CERS4: variants seen among roughly 807,000 people sequenced by gnomAD.
The protein encoded by CERS4 is ceramide synthase 4, also known as LAG1 homolog, ceramide synthase 4.
A neutral mutation model predicts 51.8 loss-of-function variants in CERS4; 65 were observed. That is an observed-to-expected ratio of 1.26 (90% CI 1.03 to 1.54). The LOEUF (loss-of-function observed/expected upper bound fraction) is 1.54, where lower values mean the gene tolerates loss of function less well. CERS4 is among the 40% of genes most tolerant of loss of function. CERS4 has a pLI of 0.00. For missense variants in CERS4, 563 were observed against 500.4 expected (o/e 1.13, Z -1.19); for synonymous variants, 228 against 208.4 (o/e 1.09, Z -0.81).
chr19:8,235,376 C>T (rs1968204668), intron 2 of CERS4, among the ~76,000 whole-genome samples: 1 of 149,686 alleles, frequency 6.7e-6, no homozygotes, highest in East Asian at 2.0e-4. Context: ...GATCCACCTG[C>T]CTCGGCCTTC....
chr19:8,216,239 C>T (rs553337204), intron 2 of CERS4, among the ~76,000 whole-genome samples: 15 of 151,842 alleles, frequency 9.9e-5, no homozygotes, highest in African/African-American at 3.1e-4. Context: ...ATTAGCCAGG[C>T]GTGGTGGTGG....
intron 2 of CERS4, among the ~76,000 whole-genome samples, chr19:8,219,893 G>A (rs559038236): frequency 1.3e-4 from 19 of 151,392 alleles, no homozygotes; most frequent in African/African-American, 4.4e-4. Context: ...TGAGGCAGGG[G>A]GATCATTTGA....
intron 10 of CERS4, among the ~76,000 whole-genome samples, 156 bp downstream of exon 10, chr19:8,258,141 G>A (rs543237290): frequency 3.3e-4 from 51 of 152,254 alleles, no homozygotes; most frequent in Admixed American, 1.2e-3. Context: ...CACAGGGCAC[G>A]GCATATGCAA....
chr19:8,212,029 A>G (rs914860544), intron 2 of CERS4, among the ~76,000 whole-genome samples: 1 of 151,930 alleles, frequency 6.6e-6, no homozygotes, highest in African/African-American at 2.4e-5. Flanking sequence ...GCTAAGGGTA[A>G]GGAGGAGTTA....
At chr19:8,217,815 G>T (rs1967367082) in intron 2 of CERS4, among the ~76,000 whole-genome samples, 1 of 152,122 alleles carries the variant, frequency 6.6e-6, no homozygotes, top group Non-Finnish European at 1.5e-5. Context: ...GGGATTACAG[G>T]CGTGAGCCAC....
At position 8,262,232 on chromosome 19, in the gene CERS4, G is replaced by A. The variant is rs1969748026; in HGVS notation, c.*123G>A. On this transcript the variant is annotated 3_prime_UTR_variant, in exon 12 of 12. Transcript: ENST00000251363. ...AGGGAGGGCCCCACCCGGGGTGGGTGGGAAGGCTGATGATCTGTCTCCAGC... is the reference window on the plus strand; with the variant it reads ...AGGGAGGGCCCCACCCGGGGTGGGTAGGAAGGCTGATGATCTGTCTCCAGC... 1.8e-6 allele frequency: 2 copies of A among 1,107,524 alleles called. No homozygotes were observed. The highest frequency in any genetic ancestry group is 1.2e-6 in the Non-Finnish European group (1 of 829,990). 68.6% of individuals were successfully genotyped at this position (1,107,524 alleles called of 1,614,324 possible).
chr19:8,262,100 A>G lies in CERS4; in HGVS notation c.1176A>G (p.Thr392=), dbSNP rs563942801. The G allele has an allele frequency of 2.4e-4, 358 of 1,487,380 alleles. 6 individuals are homozygous for G. In the South Asian group the frequency reaches 4.6e-3, roughly 19 times the overall value. 92.1% of individuals were successfully genotyped at this position (1,487,380 alleles called of 1,614,324 possible). A position where few individuals can be genotyped will look rare whatever the true frequency, so the allele number is the denominator to read the frequency against. Residue 392 remains threonine, a synonymous_variant, in exon 12 of 12, where the codon ACA becomes ACG. Transcript: ENST00000251363. ...VAGRLTNRHT[T]AT is the part of the protein sequence containing the mutation. ...GGCGTCTGACCAACAGGCACACAAC[A>G]GCCACATAGCCGGGCGGGGCTGGCT... is the stretch of plus-strand genomic sequence containing the variant.
intron 10 of CERS4, among the ~76,000 whole-genome samples, chr19:8,259,971 C>T (rs191466009): frequency 3.9e-5 from 6 of 152,044 alleles, no homozygotes; most frequent in African/African-American, 1.2e-4. Flanking sequence ...TGGCTCCCAC[C>T]TGTCTTGGTT....
intron 2 of CERS4, among the ~76,000 whole-genome samples, chr19:8,249,724 G>C (rs1161846142): frequency 6.7e-6 from 1 of 150,018 alleles, no homozygotes; most frequent in East Asian, 2.0e-4. Flanking sequence ...CCGAGTAGCT[G>C]GGATTACAGG....
chr19:8,240,994 C>T (rs1419490632), intron 2 of CERS4, among the ~76,000 whole-genome samples: 3 of 150,952 alleles, frequency 2.0e-5, no homozygotes, highest in Non-Finnish European at 4.4e-5. Context: ...CTTCAAACAG[C>T]AGCCAGGCTT....
At chr19:8,237,945 AT>A (rs1189883180) in intron 2 of CERS4, among the ~76,000 whole-genome samples, 1 of 151,962 alleles carries the variant, frequency 6.6e-6, no homozygotes, top group Non-Finnish European at 1.5e-5. Context: ...TTTTATTTTT[AT>A]TTTTTTACCA....
At chr19:8,218,201 G>A (rs1474215788) in intron 2 of CERS4, among the ~76,000 whole-genome samples, 2 of 152,170 alleles carry the variant, frequency 1.3e-5, no homozygotes, top group Non-Finnish European at 2.9e-5. Context: ...CTGACCTCAG[G>A]TGATCTGCCC....
At chr19:8,240,275 C>A (rs1212691456) in intron 2 of CERS4, among the ~76,000 whole-genome samples, 2 of 152,028 alleles carry the variant, frequency 1.3e-5, no homozygotes, top group African/African-American at 2.4e-5. Flanking sequence ...ATAAGGGGCT[C>A]AGGTAAGGCG....
chr19:8,261,327 C>G (rs527345238), intron 10 of CERS4: 1 of 248,892 alleles, frequency 4.0e-6, no homozygotes, highest in Admixed American at 4.9e-5. Flanking sequence ...AGCCCCTCCC[C>G]TATGAGGTGA....
rs8106575 is a variant in CERS4 at position 8,213,440 on chromosome 19, A to G, written c.-2+2578A>G. Reference sequence around the variant, plus strand: ...TCAGCCTCCTGAGAGCTGGGACCACAGGCATGCACCACCAGGCCTAGCTAA... The same window carrying G: ...TCAGCCTCCTGAGAGCTGGGACCACGGGCATGCACCACCAGGCCTAGCTAA... On this transcript the variant is annotated intron_variant, in intron 2 of 11. Coordinates refer to ENST00000251363, the MANE Select transcript of CERS4 (RefSeq NM_024552.3). Among the ~76,000 whole-genome samples the G allele has an allele frequency of 4.0e-3, 601 of 152,152 alleles. 4 individuals are homozygous for G. Among genetic ancestry groups the G allele is most frequent in the African/African-American group, 0.014 (571 of 41,498 alleles).
chr19:8,244,178 G>A (rs1382574540), intron 2 of CERS4, among the ~76,000 whole-genome samples: 1 of 152,210 alleles, frequency 6.6e-6, no homozygotes, highest in Non-Finnish European at 1.5e-5. Flanking sequence ...GAGGGTGCAG[G>A]CAGCCTCTAA....
At chr19:8,229,353 A>G (rs970689335) in intron 2 of CERS4, among the ~76,000 whole-genome samples, 1 of 152,042 alleles carries the variant, frequency 6.6e-6, no homozygotes, top group Non-Finnish European at 1.5e-5. Flanking sequence ...ACTCACATGC[A>G]TGTGGACTAT....
intron 2 of CERS4, among the ~76,000 whole-genome samples, chr19:8,220,745 G>T (rs1967497799): frequency 6.6e-6 from 1 of 152,126 alleles, no homozygotes; most frequent in African/African-American, 2.4e-5. Flanking sequence ...CCCAGAATCG[G>T]TCCCTCCCGA....
intron 2 of CERS4, among the ~76,000 whole-genome samples, chr19:8,215,335 C>T (rs1374231633): frequency 1.3e-5 from 2 of 151,946 alleles, no homozygotes; most frequent in Non-Finnish European, 2.9e-5. Flanking sequence ...AAAAATTAGC[C>T]AGGTGCAGCG....
Sources: gnomAD v4.1 joint callset for allele counts (sites outside exome capture counted in the v4.1 genomes callset) on GRCh38, gnomAD v4.1.1 for gene constraint, MANE v1.5 for transcripts, NCBI Gene and HGNC (gene_info 2026-07-23, HGNC 2026-07-21) for gene names.